Variants in KIAA0232 observed in about 807,000 individuals in gnomAD.
The protein encoded by KIAA0232 is uncharacterized protein KIAA0232.
A neutral mutation model predicts 122.0 loss-of-function variants in KIAA0232; 27 were observed. The observed-to-expected ratio is 0.22, with a 90% CI of 0.16 to 0.31. The LOEUF is 0.31. Among genes scored for constraint, KIAA0232 ranks in the 10% least tolerant of loss-of-function variants. The pLI is 1.00. For missense variants in KIAA0232, 1,551 were observed against 1,634.2 expected (o/e 0.95, Z 0.88); for synonymous variants, 613 against 587.6 (o/e 1.04, Z -0.63).
At chr4:6,808,672 T>C (rs976124483) in intron 2 of KIAA0232, among the ~76,000 whole-genome samples, 7 of 152,016 alleles carry the variant, frequency 4.6e-5, no homozygotes, top group Non-Finnish European at 8.8e-5. Flanking sequence ...CGTGAGAGAA[T>C]GAGTTAAAAT....
At chr4:6,812,947 G>A (rs921339905) in intron 2 of KIAA0232, among the ~76,000 whole-genome samples, 4 of 152,240 alleles carry the variant, frequency 2.6e-5, no homozygotes, top group South Asian at 2.1e-4. Flanking sequence ...ATTATTTACA[G>A]TGTATTACAA....
In KIAA0232 at chr4:6,860,993, C is replaced by T; in HGVS notation, c.611C>T (p.Ser204Phe). 1 of 1,614,156 alleles carries T rather than the reference C, an allele frequency of 6.2e-7. No individual in the cohort carries two copies. Among genetic ancestry groups the T allele is most frequent in the Admixed American group, 1.7e-5 (1 of 60,022 alleles). Residue 204 changes from serine (S) to phenylalanine (F), a missense_variant, in exon 7 of 10, where the codon TCT becomes TTT. By Grantham distance (155) the Ser-to-Phe change is radical. Around this residue, in one of 5 missense-constraint regions of KIAA0232, gnomAD observed 377 missense variants for 381.7 expected, o/e 0.99. Coordinates refer to ENST00000307659, the MANE Select transcript of KIAA0232 (RefSeq NM_014743.3). ...AACAAGTCTAAAGTCTGTTCTTACT[C>T]TAGCTCTTCTTCATCATCCACAGCC... ...VWNKSKVCSY[S>F]SSSSSSTAPP...
Position 6,853,721 on chromosome 4 carries a change from A to G in KIAA0232, c.370-3443A>G, listed in dbSNP as rs1177558262. Reference sequence around the variant, plus strand: ...GTATGGAGAGGAGAGATGAGGCAGAATAAGTCAAATTGCCTTTCTTTTACT... The same window carrying G: ...GTATGGAGAGGAGAGATGAGGCAGAGTAAGTCAAATTGCCTTTCTTTTACT... On this transcript the variant is annotated intron_variant, in intron 4 of 9. Transcript: ENST00000307659. Among the ~76,000 whole-genome samples the G allele has an allele frequency of 2.0e-5, 3 of 152,232 alleles. No individual in the cohort carries two copies. In the East Asian group the frequency reaches 5.8e-4, roughly 29 times the overall value.
chr4:6,813,070 A>G (rs896100745), intron 2 of KIAA0232, among the ~76,000 whole-genome samples: 1 of 152,194 alleles, frequency 6.6e-6, no homozygotes, highest in Admixed American at 6.5e-5. Context: ...AAGAAATGCT[A>G]TTAGTGCACT....
intron 3 of KIAA0232, among the ~76,000 whole-genome samples, chr4:6,835,380 A>G (rs560534784): frequency 4.8e-4 from 73 of 152,322 alleles, no homozygotes; most frequent in African/African-American, 1.6e-3. Context: ...CCACTCTGTC[A>G]AGGTTTGGTT....
intron 8 of KIAA0232, among the ~76,000 whole-genome samples, chr4:6,872,267 C>A (rs1033445662): frequency 2.0e-5 from 3 of 152,152 alleles, no homozygotes; most frequent in Non-Finnish European, 4.4e-5. Context: ...GTTTTAAGCC[C>A]TTGCAGTAGT....
rs141600122 is a variant in KIAA0232, at chr4:6,798,271, T to G, written c.-353-6252T>G. ...GCTTAGCTTATGCTTTTTCATGTTG[T>G]GAAAGCAGTGTTTGATGCTGAGTAG... On this transcript the variant is annotated intron_variant, in intron 1 of 9. Transcript: ENST00000307659. Among the ~76,000 whole-genome samples the G allele has an allele frequency of 4.7e-4, 72 of 152,294 alleles. No individual in the cohort carries two copies. In the East Asian group the frequency reaches 0.014, roughly 29 times the overall value.
intron 2 of KIAA0232, among the ~76,000 whole-genome samples, chr4:6,815,833 G>A (rs1183923515): frequency 6.6e-6 from 1 of 152,154 alleles, no homozygotes; most frequent in Non-Finnish European, 1.5e-5. Flanking sequence ...AATAATGCAA[G>A]CAAAGGTTTT....
At chr4:6,785,474 C>A (rs1716575980) in intron 1 of KIAA0232, among the ~76,000 whole-genome samples, 1 of 152,150 alleles carries the variant, frequency 6.6e-6, no homozygotes, top group Non-Finnish European at 1.5e-5. Flanking sequence ...ATTGATGACA[C>A]CTGTTTCACA....
chr4:6,791,315 C>CTTTTTTTTTTTT (rs10716163), intron 1 of KIAA0232, among the ~76,000 whole-genome samples: 1 of 82,674 alleles, frequency 1.2e-5, no homozygotes, highest in African/African-American at 6.4e-5. Context: ...GTCATAAAGC[C>CTTTTTTTTTTTT]TTTTTTTTTT....
chr4:6,868,937 G>T (rs1721323307), intron 7 of KIAA0232, among the ~76,000 whole-genome samples: 1 of 152,206 alleles, frequency 6.6e-6, no homozygotes, highest in South Asian at 2.1e-4. Flanking sequence ...AGTGGTTTCA[G>T]CAAGAGAGAG....
chr4:6,855,523 A>T lies in KIAA0232; in HGVS notation c.370-1641A>T, dbSNP rs889271730. Among the ~76,000 whole-genome samples, 3 of 152,210 alleles carry T rather than the reference A, an allele frequency of 2.0e-5. No individual in the cohort carries two copies. Among genetic ancestry groups the T allele is most frequent in the South Asian group, 4.1e-4 (2 of 4,838 alleles). On this transcript the variant is annotated intron_variant, in intron 4 of 9. Transcript: ENST00000307659. This position sits in a 1 kb window ranked among gnomAD's most constrained non-coding sequence, Gnocchi z 4.3. ...GCTGTTTAAACATGAGAGCAAAAAA[A>T]ATATATGTTTATATATGACAGCAAA... is the stretch of plus-strand genomic sequence containing the variant.
chr4:6,862,690 A>C lies in KIAA0232; in HGVS notation c.2308A>C (p.Asn770His), dbSNP rs773952929. 1 of 1,610,962 alleles carries C rather than the reference A, an allele frequency of 6.2e-7. No homozygotes were observed. Among genetic ancestry groups the C allele is most frequent in the East Asian group, 2.2e-5 (1 of 44,870 alleles). ...DFLQDETCQQ[N>H]SRTLGEIPTL... ...TTTGCAAGATGAAACTTGCCAGCAAAACAGTAGAACTTTAGGTGAGATTCC... is the reference window on the plus strand; with the variant it reads ...TTTGCAAGATGAAACTTGCCAGCAACACAGTAGAACTTTAGGTGAGATTCC... Residue 770 changes from asparagine (N) to histidine (H), a missense_variant, in exon 7 of 10, where the codon AAC becomes CAC. Asn to His is a moderately conservative substitution (Grantham distance 68). This residue lies in a region of KIAA0232 where 1,108 missense variants were observed against 1,154.8 expected (regional missense o/e 0.96). Transcript: ENST00000307659.
intron 1 of KIAA0232, among the ~76,000 whole-genome samples, chr4:6,800,101 C>A (rs62289438): frequency 1.8e-5 from 2 of 110,804 alleles, no homozygotes; most frequent in African/African-American, 7.1e-5. Context: ...TCTGTCGCCC[C>A]GGTTAGAGTG....
chr4:6,873,407 C>T (rs1307344894), intron 8 of KIAA0232, among the ~76,000 whole-genome samples: 1 of 152,172 alleles, frequency 6.6e-6, no homozygotes, highest in Non-Finnish European at 1.5e-5. Flanking sequence ...TGGGCAAGTA[C>T]AAGACACAGA....
In KIAA0232 at chr4:6,883,458, G is replaced by A. The variant is rs997509992; in HGVS notation, c.*2492G>A. 1 of 152,204 alleles carries A rather than the reference G, an allele frequency of 6.6e-6. No individual in the cohort carries two copies. The highest frequency in any genetic ancestry group is 3.2e-3 in the Middle Eastern group (1 of 316). The allele number at this position is 152,204 out of a possible 1,614,324, so 9.4% of individuals were successfully genotyped here. ...CATGAGCATCCGTGGAAGAGCAAGT[G>A]CCCAGGTTACATTTGTTCTAGATGG... On this transcript the variant is annotated 3_prime_UTR_variant, in exon 10 of 10. Coordinates refer to ENST00000307659, the MANE Select transcript of KIAA0232 (RefSeq NM_014743.3).
chr4:6,835,414 C>A (rs1719207437), intron 3 of KIAA0232, among the ~76,000 whole-genome samples: 1 of 152,120 alleles, frequency 6.6e-6, no homozygotes, highest in Non-Finnish European at 1.5e-5. Context: ...CCACCAAGTA[C>A]AAAGCTACGA....
intron 3 of KIAA0232, among the ~76,000 whole-genome samples, chr4:6,831,429 A>G (rs1026631615): frequency 6.6e-6 from 1 of 152,110 alleles, no homozygotes; most frequent in Non-Finnish European, 1.5e-5. Context: ...TGGCCCCTCC[A>G]TCTGAGTGAT....
Position 6,858,640 on chromosome 4 carries a change from G to T in KIAA0232, c.518+134G>T, listed in dbSNP as rs944302580. The T allele has an allele frequency of 5.1e-6, 3 of 590,660 alleles. No homozygotes were observed. The African/African-American group carries it at 5.8e-5, about 11-fold the overall frequency. The allele number at this position is 590,660 out of a possible 1,614,324, so 36.6% of individuals were successfully genotyped here. A position where few individuals can be genotyped will look rare whatever the true frequency, so the allele number is the denominator to read the frequency against. ...ATAATGTAAGAAACATTTATCGAGC[G>T]CTTATATGCTTGACACTGAGAATTC... On this transcript the variant is annotated intron_variant, in intron 6 of 9. Coordinates refer to ENST00000307659, the MANE Select transcript of KIAA0232 (RefSeq NM_014743.3).
Sources: gnomAD v4.1 joint callset for allele counts (sites outside exome capture counted in the v4.1 genomes callset) on GRCh38, gnomAD v4.1.1 for gene constraint, gnomAD v4.1.1 regional missense constraint, Gnocchi (gnomAD v3.1) non-coding constraint, MANE v1.5 for transcripts, NCBI Gene and HGNC (gene_info 2026-07-23, HGNC 2026-07-21) for gene names.